The following ISM1 variants were observed in gnomAD, a reference collection of about 807,000 sequenced individuals.
ISM1 encodes the protein isthmin 1.
A neutral mutation model predicts 46.3 loss-of-function variants in ISM1; 25 were observed. The ratio of observed to expected loss-of-function variants is 0.54; its 90% confidence interval spans 0.39 to 0.75. ISM1 has a LOEUF of 0.75. Ranked by LOEUF, ISM1 falls within the 30% of genes least tolerant of loss-of-function variation. ISM1 has a pLI of 0.00. For missense variants in ISM1, 536 were observed against 625.4 expected (o/e 0.86, Z 1.52); for synonymous variants, 255 against 256.7 (o/e 0.99, Z 0.06).
intron 1 of ISM1, among the ~76,000 whole-genome samples, chr20:13,262,045 G>A (rs762761420): frequency 1.8e-4 from 28 of 152,138 alleles, no homozygotes; most frequent in Non-Finnish European, 3.7e-4. Flanking sequence ...GGCCTTTTAG[G>A]TGCACTAATG....
At chr20:13,274,762 C>T (rs375537704) in intron 2 of ISM1, among the ~76,000 whole-genome samples, 1 of 147,900 alleles carries the variant, frequency 6.8e-6, no homozygotes, top group Non-Finnish European at 1.5e-5. Context: ...AGCATTTTAA[C>T]TCCCAGAAGT....
the ISM1 span, among the ~76,000 whole-genome samples, chr20:13,316,158 A>G: frequency 3.3e-5 from 5 of 151,984 alleles, no homozygotes; most frequent in African/African-American, 1.2e-4. Flanking sequence ...AAGGAATACC[A>G]TGAATAACTC....
intron 1 of ISM1, chr20:13,238,979 C>A (rs1255796206): frequency 2.0e-5 from 3 of 152,224 alleles, no homozygotes; most frequent in African/African-American, 4.8e-5. Flanking sequence ...CAGGAAGACA[C>A]GAACCAGGTG....
chr20:13,315,916 T>C, the ISM1 span, among the ~76,000 whole-genome samples: 1 of 151,852 alleles, frequency 6.6e-6, no homozygotes, highest in African/African-American at 2.4e-5. Context: ...AGAAAACATC[T>C]CAAGACAAAC....
At chr20:13,280,757 G>A (rs568546099) in intron 3 of ISM1, among the ~76,000 whole-genome samples, 1 of 152,308 alleles carries the variant, frequency 6.6e-6, no homozygotes, top group Non-Finnish European at 1.5e-5. Flanking sequence ...TGGTCACATG[G>A]CCCCACCTTG....
chr20:13,221,776 G>C lies in ISM1; in HGVS notation c.-1G>C, dbSNP rs762230915. ...GTCCTAAAGCCGCGCGTCTCAAAAG[G>C]ATGGTGCGCCTGGCGGCCGAGCTGC... On this transcript the variant is annotated 5_prime_UTR_variant, in exon 1 of 6. Transcript: ENST00000262487. 6.9e-7 allele frequency: 1 copy of C among 1,447,434 alleles called. No individual in the cohort carries two copies. The highest frequency in any genetic ancestry group is 9.0e-7 in the Non-Finnish European group (1 of 1,105,166). 89.7% of individuals were successfully genotyped at this position (1,447,434 alleles called of 1,614,324 possible). A position where few individuals can be genotyped will look rare whatever the true frequency, so the allele number is the denominator to read the frequency against.
intron 1 of ISM1, among the ~76,000 whole-genome samples, chr20:13,264,168 C>T (rs910384): frequency 0.26 from 38,813 of 152,086 alleles, 5,277 homozygotes; most frequent in African/African-American, 0.35. Flanking sequence ...AGACTGAAGA[C>T]AGGGCCTGTT....
At chr20:13,249,617 A>C (rs2039842537) in intron 1 of ISM1, among the ~76,000 whole-genome samples, 1 of 152,174 alleles carries the variant, frequency 6.6e-6, no homozygotes, top group African/African-American at 2.4e-5. Flanking sequence ...CCACAGTCAT[A>C]AAGTTGGTTT....
chr20:13,316,973 T>A, the ISM1 span, among the ~76,000 whole-genome samples: 1 of 151,524 alleles, frequency 6.6e-6, no homozygotes, highest in Non-Finnish European at 1.5e-5. Flanking sequence ...GCCATATAGA[T>A]TGAGAAGGAA....
chr20:13,324,247 C>CTT, the ISM1 span, among the ~76,000 whole-genome samples: 1 of 152,178 alleles, frequency 6.6e-6, no homozygotes, highest in Admixed American at 6.5e-5. Context: ...ACAGCCCCAC[C>CTT]TCACAGGTAA....
At chr20:13,234,072 T>C (rs1222312017) in intron 1 of ISM1, among the ~76,000 whole-genome samples, 1 of 152,138 alleles carries the variant, frequency 6.6e-6, no homozygotes, top group Non-Finnish European at 1.5e-5. Flanking sequence ...ATCACCTGAG[T>C]AGTGAATATT....
At chr20:13,288,795 T>G in intron 4 of ISM1, 112 bp downstream of exon 4, 1 of 1,192,912 alleles carries the variant, frequency 8.4e-7, no homozygotes, top group Non-Finnish European at 1.2e-6. Flanking sequence ...TCTTTTCTTT[T>G]TTTTTTTGAG....
intron 1 of ISM1, among the ~76,000 whole-genome samples, chr20:13,262,466 T>A (rs1229060223): frequency 7.1e-6 from 1 of 140,804 alleles, no homozygotes; most frequent in Non-Finnish European, 1.6e-5. Context: ...TTTCTTTTTC[T>A]TTTTTTTTTT....
chr20:13,259,015 G>C (rs2039958297), intron 1 of ISM1, among the ~76,000 whole-genome samples: 1 of 152,200 alleles, frequency 6.6e-6, no homozygotes, highest in African/African-American at 2.4e-5. Context: ...GGGCGCAATG[G>C]CTCATGCCTG....
At chr20:13,288,042 A>G (rs530976957) in intron 3 of ISM1, among the ~76,000 whole-genome samples, 1 of 152,308 alleles carries the variant, frequency 6.6e-6, no homozygotes, top group South Asian at 2.1e-4. Context: ...GTGATGTCCC[A>G]TAATTCACAG....
chr20:13,282,889 C>T (rs1360698363), intron 3 of ISM1, among the ~76,000 whole-genome samples: 2 of 152,188 alleles, frequency 1.3e-5, no homozygotes, highest in Non-Finnish European at 2.9e-5. Flanking sequence ...CAAAACTCTA[C>T]GCCCATTGTA....
At chr20:13,309,748 G>C in the ISM1 span, among the ~76,000 whole-genome samples, 1 of 151,924 alleles carries the variant, frequency 6.6e-6, no homozygotes, top group Non-Finnish European at 1.5e-5. Context: ...ATTCAGTAAA[G>C]TCATAGGATA....
At chr20:13,227,980 T>TTTTTTTTTTTTTTC in intron 1 of ISM1, among the ~76,000 whole-genome samples, 1 of 150,856 alleles carries the variant, frequency 6.6e-6, no homozygotes, top group Non-Finnish European at 1.5e-5. Flanking sequence ...TTTTTTTCTT[T>TTTTTTTTTTTTTTC]TTGAGATGGA....
chr20:13,241,189 C>T (rs1198814750), intron 1 of ISM1, among the ~76,000 whole-genome samples: 1 of 152,086 alleles, frequency 6.6e-6, no homozygotes, highest in Non-Finnish European at 1.5e-5. Context: ...AACTGCTCTG[C>T]AGTTGCAGAG....
Sources: gnomAD v4.1 joint callset for allele counts (sites outside exome capture counted in the v4.1 genomes callset) on GRCh38, gnomAD v4.1.1 for gene constraint, MANE v1.5 for transcripts, NCBI Gene and HGNC (gene_info 2026-07-23, HGNC 2026-07-21) for gene names.